Variants in PIGL observed in about 807,000 individuals in gnomAD.
PIGL encodes the protein N-acetylglucosaminyl-phosphatidylinositol de-N-acetylase.
In PIGL, 22 loss-of-function variants were observed where a neutral mutation model predicts 31.1. The observed-to-expected ratio is 0.71, with a 90% CI of 0.51 to 1.01. The LOEUF (loss-of-function observed/expected upper bound fraction) is 1.01, where lower values mean the gene tolerates loss of function less well. Among genes scored for constraint, PIGL ranks in the 50% least tolerant of loss-of-function variants. The probability of loss-of-function intolerance (pLI) is 0.00; values close to 1 mark genes in which losing one functional copy is unlikely to be tolerated. For synonymous variants in PIGL, 131 were observed against 117.4 expected, an observed-to-expected ratio of 1.12 and a Z score of -0.75; for missense variants, 302 against 315.9, an observed-to-expected ratio of 0.96 and a Z score of 0.33.
At chr17:16,308,067 G>A (rs758056001) in intron 3 of PIGL, among the ~76,000 whole-genome samples, 2 of 152,082 alleles carry the variant, frequency 1.3e-5, no homozygotes, top group Admixed American at 1.3e-4. Context: ...GGGTGCAGTG[G>A]CTCATGCCTG....
At chr17:16,270,155 G>C (rs893105074) in intron 2 of PIGL, among the ~76,000 whole-genome samples, 1 of 152,002 alleles carries the variant, frequency 6.6e-6, no homozygotes, top group Non-Finnish European at 1.5e-5. Flanking sequence ...TGGGCATGGT[G>C]GTGGGCACCT....
At chr17:16,251,189 G>C (rs2092769694) in intron 2 of PIGL, among the ~76,000 whole-genome samples, 1 of 152,132 alleles carries the variant, frequency 6.6e-6, no homozygotes, top group African/African-American at 2.4e-5. Flanking sequence ...ACTTTGGGAG[G>C]CCGAGGTGGG....
At position 16,287,998 on chromosome 17, in the gene PIGL, C is replaced by A. The variant is rs191756109; in HGVS notation, c.336-11890C>A. ...CAGATATTCACATATAGGCAAGTTA[C>A]CTTCTTCTTGAGATGTAGCAATTTA... On this transcript the variant is annotated intron_variant, in intron 2 of 6. Coordinates refer to ENST00000225609, the MANE Select transcript of PIGL (RefSeq NM_004278.4). 1.4e-4 allele frequency among the ~76,000 whole-genome samples: 21 copies of A among 152,274 alleles called. No homozygotes were observed. In the East Asian group the frequency reaches 3.7e-3, roughly 27 times the overall value.
chr17:16,324,145 A>G (rs2093117645), intron 6 of PIGL, among the ~76,000 whole-genome samples: 1 of 144,966 alleles, frequency 6.9e-6, no homozygotes, highest in Admixed American at 6.9e-5. Context: ...TTTTTTTTTT[A>G]GTAGAGATAG....
chr17:16,302,963 C>T (rs1157817420), intron 3 of PIGL, among the ~76,000 whole-genome samples: 3 of 152,168 alleles, frequency 2.0e-5, no homozygotes, highest in African/African-American at 7.2e-5. Flanking sequence ...AAGTCCTGAA[C>T]ACTGGTGAAC....
At chr17:16,297,304 G>A (rs532015670) in intron 2 of PIGL, among the ~76,000 whole-genome samples, 152 of 152,240 alleles carry the variant, frequency 1.0e-3, no homozygotes, top group Non-Finnish European at 1.5e-3. Context: ...TTCCTGCATC[G>A]CCCCTCAAAA....
intron 2 of PIGL, among the ~76,000 whole-genome samples, chr17:16,237,967 G>C (rs1453772523): frequency 6.6e-6 from 1 of 152,024 alleles, no homozygotes; most frequent in African/African-American, 2.4e-5. Flanking sequence ...GGAGGCCGAG[G>C]TGGGTGGATC....
chr17:16,313,683 C>G, intron 4 of PIGL, 69 bp downstream of exon 4: 1 of 1,229,524 alleles, frequency 8.1e-7, no homozygotes, highest in African/African-American at 1.5e-5. Context: ...GGTTTAAAGT[C>G]TAAAGCACTT....
chr17:16,273,086 A>C (rs1292949990), intron 2 of PIGL, among the ~76,000 whole-genome samples: 1 of 152,170 alleles, frequency 6.6e-6, no homozygotes, highest in Non-Finnish European at 1.5e-5. Context: ...CTATATCTCA[A>C]ATATCAGGTC....
At chr17:16,221,634 G>C (rs1351068717) in intron 1 of PIGL, among the ~76,000 whole-genome samples, 2 of 151,024 alleles carry the variant, frequency 1.3e-5, no homozygotes, top group Admixed American at 1.3e-4. Context: ...TTTTGTTTTT[G>C]TTTTGTTTTG....
chr17:16,238,288 T>TAAATACTAAATACAATACTAAATACA (rs2092708073), intron 2 of PIGL, among the ~76,000 whole-genome samples: 1 of 151,668 alleles, frequency 6.6e-6, no homozygotes, highest in African/African-American at 2.4e-5. Flanking sequence ...TACTCAAAAC[T>TAAATACTAAATACAATACTAAATACA]AATACTAAAT....
At chr17:16,295,608 C>A (rs187310995) in intron 2 of PIGL, among the ~76,000 whole-genome samples, 1 of 151,184 alleles carries the variant, frequency 6.6e-6, no homozygotes, top group Non-Finnish European at 1.5e-5. Flanking sequence ...ATTGTACCAC[C>A]GCATTCCAGC....
intron 1 of PIGL, chr17:16,217,810 A>G (rs1039725225): frequency 2.0e-5 from 5 of 244,532 alleles, no homozygotes; most frequent in African/African-American, 1.1e-4. Flanking sequence ...ACCTTACTAT[A>G]TAGCACACGA....
At chr17:16,270,453 T>A (rs1168996326) in intron 2 of PIGL, among the ~76,000 whole-genome samples, 2 of 151,692 alleles carry the variant, frequency 1.3e-5, no homozygotes, top group Non-Finnish European at 2.9e-5. Context: ...AATTATAAAT[T>A]AATTAATTAT....
chr17:16,218,812 G>A (rs940060992), intron 1 of PIGL, among the ~76,000 whole-genome samples: 1 of 151,268 alleles, frequency 6.6e-6, no homozygotes, highest in African/African-American at 2.4e-5. Context: ...CCAAGTAGCT[G>A]GGTTTACAAG....
chr17:16,233,896 G>C (rs753002750), intron 1 of PIGL, 75 bp from the exon 2 acceptor site: 11 of 745,866 alleles, frequency 1.5e-5, no homozygotes, highest in Admixed American at 4.4e-5. Context: ...ACAAAAACAG[G>C]ATAAGAATGA....
In PIGL at chr17:16,299,991, C is replaced by G; in HGVS notation, c.426+13C>G. 6.2e-7 allele frequency: 1 copy of G among 1,603,070 alleles called. No homozygotes were observed. The highest frequency in any genetic ancestry group is 8.5e-7 in the Non-Finnish European group (1 of 1,169,984). ...TGGCATCAATCTGGTAAGGGGGCAG[C>G]TCCCTGAATGGAAAACCTGAGGTCT... On this transcript the variant is annotated intron_variant, in intron 3 of 6. Transcript: ENST00000225609.
intron 6 of PIGL, among the ~76,000 whole-genome samples, chr17:16,319,391 T>C (rs952595745): frequency 1.1e-3 from 169 of 152,254 alleles, no homozygotes; most frequent in African/African-American, 4.0e-3. Context: ...ACTTTATCAC[T>C]GTTATACATG....
intron 1 of PIGL, among the ~76,000 whole-genome samples, chr17:16,224,239 AC>A (rs969511377): frequency 2.6e-5 from 4 of 152,080 alleles, no homozygotes; most frequent in African/African-American, 9.7e-5. Flanking sequence ...AAAGAAAGCT[AC>A]ACTATATTAT....
Sources: gnomAD v4.1 joint callset for allele counts (sites outside exome capture counted in the v4.1 genomes callset) on GRCh38, gnomAD v4.1.1 for gene constraint, MANE v1.5 for transcripts, NCBI Gene and HGNC (gene_info 2026-07-23, HGNC 2026-07-21) for gene names.